Variants in ARPC2 observed in about 807,000 individuals in gnomAD.
The protein encoded by ARPC2 is actin-related protein 2/3 complex subunit 2.
A neutral mutation model predicts 38.6 loss-of-function variants in ARPC2; 4 were observed. That is an observed-to-expected ratio of 0.10 (90% CI 0.05 to 0.24). The LOEUF is 0.24. ARPC2 is among the 10% of genes least tolerant of loss of function. ARPC2 has a pLI of 1.00. For synonymous variants in ARPC2, 125 were observed against 140.8 expected (o/e 0.89, Z 0.79); for missense variants, 229 against 387.3 (o/e 0.59, Z 3.43).
chr2:218,253,103 C>T (rs1465602115), intron 10 of ARPC2: 3 of 395,720 alleles, frequency 7.6e-6, no homozygotes, highest in South Asian at 3.6e-5. Context: ...CAGAATTGAA[C>T]ACTCAGGAGC....
intron 1 of ARPC2, 53 bp from the exon 2 acceptor site, chr2:218,217,410 T>C: frequency 4.4e-6 from 7 of 1,576,460 alleles, no homozygotes; most frequent in Non-Finnish European, 6.1e-6. Flanking sequence ...CCTCCGTCCT[T>C]GCCTCCCTTA....
chr2:218,223,060 C>G (rs537035486), intron 2 of ARPC2, among the ~76,000 whole-genome samples: 2 of 152,330 alleles, frequency 1.3e-5, no homozygotes, highest in South Asian at 4.1e-4. Context: ...TTAAAAGACA[C>G]CGTTTGAGAA....
Position 218,217,191 on chromosome 2 carries a change from C to G in ARPC2, c.-72C>G, listed in dbSNP as rs977088558. 2 of 426,208 alleles carry G rather than the reference C, an allele frequency of 4.7e-6. No homozygotes were observed. 26.4% of individuals were successfully genotyped at this position (426,208 alleles called of 1,614,324 possible). On this transcript the variant is annotated 5_prime_UTR_variant, in exon 1 of 11. Transcript: ENST00000315717. ...GGGGCTGGGCGGGGACCGGGCTTGT[C>G]GGTGAAGCGGCAGTGGCGGCGGCGG...
intron 2 of ARPC2, among the ~76,000 whole-genome samples, chr2:218,218,426 T>C (rs1375083823): frequency 6.6e-6 from 1 of 152,272 alleles, no homozygotes; most frequent in African/African-American, 2.4e-5. Context: ...GCAGCCTCTC[T>C]GCCAAACACA....
At chr2:218,228,276 G>A (rs11679770) in intron 3 of ARPC2, among the ~76,000 whole-genome samples, 59,968 of 151,602 alleles carry the variant, frequency 0.4, 12,463 homozygotes, top group Middle Eastern at 0.52. Flanking sequence ...GGTGGCACAT[G>A]CCTGTAGTCC....
At chr2:218,246,373 C>CA (rs781606068) in intron 8 of ARPC2, among the ~76,000 whole-genome samples, 1 of 150,996 alleles carries the variant, frequency 6.6e-6, no homozygotes, top group Admixed American at 6.6e-5. Context: ...AAAAAAATAA[C>CA]AAAGAAATTA....
intron 8 of ARPC2, among the ~76,000 whole-genome samples, chr2:218,246,913 G>T (rs1312784953): frequency 2.0e-5 from 3 of 152,178 alleles, no homozygotes; most frequent in Non-Finnish European, 4.4e-5. Flanking sequence ...AGAAAGTGGA[G>T]GTTGCAGCAA....
chr2:218,227,971 T>TTAAC (rs1689543336), intron 3 of ARPC2, among the ~76,000 whole-genome samples: 1 of 152,228 alleles, frequency 6.6e-6, no homozygotes, highest in Non-Finnish European at 1.5e-5. Context: ...GTTATGTTTT[T>TTAAC]TAACAAATAG....
At chr2:218,246,233 A>AT (rs1690027301) in intron 8 of ARPC2, among the ~76,000 whole-genome samples, 1 of 150,956 alleles carries the variant, frequency 6.6e-6, no homozygotes, top group South Asian at 2.1e-4. Flanking sequence ...AAAAAAAAAA[A>AT]GAGTTGAGGC....
intron 8 of ARPC2, among the ~76,000 whole-genome samples, chr2:218,245,760 CT>C (rs1690016130): frequency 6.6e-6 from 1 of 152,122 alleles, no homozygotes; most frequent in African/African-American, 2.4e-5. Flanking sequence ...TAATCCTTTC[CT>C]TTTTTTCCCC....
At chr2:218,234,965 T>C in intron 5 of ARPC2, 1 of 431,498 alleles carries the variant, frequency 2.3e-6, no homozygotes, top group Non-Finnish European at 4.6e-6. Flanking sequence ...GTGGAAAAAC[T>C]GAACAGCCTT....
At chr2:218,230,023 T>C (rs1689592521) in intron 4 of ARPC2, among the ~76,000 whole-genome samples, 1 of 152,044 alleles carries the variant, frequency 6.6e-6, no homozygotes, top group South Asian at 2.1e-4. Context: ...CAGGCTGTAC[T>C]GCAGTGGCGC....
intron 3 of ARPC2, among the ~76,000 whole-genome samples, chr2:218,227,604 T>C (rs1280379246): frequency 2.6e-5 from 4 of 151,910 alleles, no homozygotes; most frequent in Admixed American, 6.6e-5. Flanking sequence ...TTTTTTTTTT[T>C]TTTCCAGACA....
intron 7 of ARPC2, among the ~76,000 whole-genome samples, chr2:218,242,265 T>C (rs1052703939): frequency 6.6e-6 from 1 of 152,246 alleles, no homozygotes; most frequent in Admixed American, 6.5e-5. Context: ...ATCATTTCAA[T>C]GCTTATTCCA....
At chr2:218,232,250 G>T (rs1382806913) in intron 4 of ARPC2, among the ~76,000 whole-genome samples, 2 of 151,438 alleles carry the variant, frequency 1.3e-5, no homozygotes, top group Non-Finnish European at 2.9e-5. Flanking sequence ...CAAAAAAAAA[G>T]AATTAATTAA....
intron 3 of ARPC2, 78 bp downstream of exon 3, chr2:218,226,032 T>A: frequency 6.9e-7 from 1 of 1,452,188 alleles, no homozygotes; most frequent in Non-Finnish European, 9.6e-7. Flanking sequence ...CAGTGGCACA[T>A]GCCTGTAATC....
intron 7 of ARPC2, among the ~76,000 whole-genome samples, chr2:218,240,541 C>A (rs963376136): frequency 1.3e-5 from 2 of 152,080 alleles, no homozygotes; most frequent in Non-Finnish European, 2.9e-5. Context: ...ACAGACTGAG[C>A]CTGAGTTTGG....
At chr2:218,218,923 G>T (rs557290899) in intron 2 of ARPC2, among the ~76,000 whole-genome samples, 3 of 152,244 alleles carry the variant, frequency 2.0e-5, no homozygotes, top group South Asian at 4.1e-4. Context: ...TCTTGTCTTA[G>T]CCTCTCTTAC....
At chr2:218,223,941 G>A (rs1035696581) in intron 2 of ARPC2, among the ~76,000 whole-genome samples, 47 of 152,088 alleles carry the variant, frequency 3.1e-4, no homozygotes, top group African/African-American at 1.1e-3. Flanking sequence ...TATACTTCAC[G>A]CTCAGCAAAC....
Sources: allele counts gnomAD v4.1 joint callset (sites outside exome capture counted in the v4.1 genomes callset), GRCh38; gene constraint gnomAD v4.1.1; transcripts MANE v1.5; gene names NCBI Gene and HGNC (gene_info 2026-07-23, HGNC 2026-07-21).